Variants in GAP43 observed in about 807,000 individuals in gnomAD.
The protein encoded by GAP43 is growth associated protein 43.
A neutral mutation model predicts 18.6 loss-of-function variants in GAP43; 6 were observed. The observed-to-expected ratio is 0.32, with a 90% confidence interval of 0.18 to 0.64. The LOEUF (loss-of-function observed/expected upper bound fraction) is 0.64, where lower values mean the gene tolerates loss of function less well. GAP43 is among the 30% of genes least tolerant of loss of function. GAP43 has a pLI of 0.78. For missense variants in GAP43, 292 were observed against 295.5 expected (o/e 0.99, Z 0.09); for synonymous variants, 115 against 111.4 (o/e 1.03, Z -0.20).
intron 2 of GAP43, among the ~76,000 whole-genome samples, chr3:115,696,006 C>CTTGGATG: frequency 6.6e-6 from 1 of 152,072 alleles, no homozygotes; most frequent in Non-Finnish European, 1.5e-5. Context: ...TGTTGAGTTA[C>CTTGGATG]CCCACAGCTA....
intron 1 of GAP43, among the ~76,000 whole-genome samples, chr3:115,629,906 A>G (rs2107464512): frequency 6.6e-6 from 1 of 152,334 alleles, no homozygotes; most frequent in Non-Finnish European, 1.5e-5. Context: ...ACTGATCATC[A>G]GTGATTCTTG....
intron 1 of GAP43, among the ~76,000 whole-genome samples, chr3:115,675,478 G>A (rs980205626): frequency 2.4e-4 from 36 of 152,148 alleles, no homozygotes; most frequent in African/African-American, 8.7e-4. Context: ...AATAATGCCA[G>A]TGGCCAGATG....
chr3:115,666,936 T>C (rs1407095990), intron 1 of GAP43, among the ~76,000 whole-genome samples: 1 of 152,072 alleles, frequency 6.6e-6, no homozygotes, highest in African/African-American at 2.4e-5. Context: ...TAAATATATA[T>C]ACTGTGCACT....
At chr3:115,623,854 A>C in intron 1 of GAP43, 135 bp downstream of exon 1, 1 of 847,196 alleles carries the variant, frequency 1.2e-6, no homozygotes, top group Non-Finnish European at 2.0e-6. Flanking sequence ...ATGGTAACTG[A>C]TGGTTGCATC....
chr3:115,649,324 C>T (rs1708495694), intron 1 of GAP43, among the ~76,000 whole-genome samples: 1 of 152,092 alleles, frequency 6.6e-6, no homozygotes, highest in Admixed American at 6.6e-5. Flanking sequence ...CGAAAGGCCC[C>T]ACCTCTTAAT....
At chr3:115,646,027 G>C (rs1311504648) in intron 1 of GAP43, among the ~76,000 whole-genome samples, 1 of 152,074 alleles carries the variant, frequency 6.6e-6, no homozygotes, top group Admixed American at 6.6e-5. Flanking sequence ...GTTGGACTAA[G>C]TTTTAAAATT....
intron 1 of GAP43, among the ~76,000 whole-genome samples, chr3:115,657,655 C>T (rs1708600591): frequency 6.6e-6 from 1 of 152,008 alleles, no homozygotes; most frequent in Non-Finnish European, 1.5e-5. Context: ...TGAGATTTGG[C>T]CTTGCTCCTT....
intron 1 of GAP43, among the ~76,000 whole-genome samples, chr3:115,624,015 AGGGTGTGGACGTAGAAAG>A (rs1708151038): frequency 6.6e-6 from 1 of 151,438 alleles, no homozygotes; most frequent in East Asian, 2.0e-4. Context: ...TCTGGTCTTG[AGGGTGTGGACGTAGAAAG>A]GGGTGTGGGG....
chr3:115,681,520 G>A (rs1487368711), intron 2 of GAP43, among the ~76,000 whole-genome samples: 5 of 152,144 alleles, frequency 3.3e-5, no homozygotes, highest in Non-Finnish European at 2.9e-5. Context: ...GCAGGGAAAA[G>A]ATCTTTGAAC....
intron 1 of GAP43, among the ~76,000 whole-genome samples, chr3:115,630,646 G>A (rs956983453): frequency 1.3e-5 from 2 of 152,152 alleles, no homozygotes; most frequent in Non-Finnish European, 2.9e-5. Context: ...GTAAGGTTCA[G>A]TAGTATTTGT....
At chr3:115,720,643 C>T (rs1709565151) in intron 2 of GAP43, 151 bp from the exon 3 acceptor site, 1 of 531,668 alleles carries the variant, frequency 1.9e-6, no homozygotes, top group African/African-American at 1.9e-5. Context: ...TTGTAACCTA[C>T]ATTAACTGGG....
chr3:115,651,504 C>T (rs1261958808), intron 1 of GAP43, among the ~76,000 whole-genome samples: 1 of 152,120 alleles, frequency 6.6e-6, no homozygotes, highest in Non-Finnish European at 1.5e-5. Flanking sequence ...TGATGCCTAA[C>T]CTCGGCATCA....
chr3:115,638,457 C>T (rs1242059639), intron 1 of GAP43, among the ~76,000 whole-genome samples: 1 of 151,784 alleles, frequency 6.6e-6, no homozygotes, highest in African/African-American at 2.4e-5. Context: ...TGGCTCTTTA[C>T]TTGAGAAGCC....
intron 2 of GAP43, among the ~76,000 whole-genome samples, chr3:115,711,132 G>A (rs1235932376): frequency 2.6e-5 from 4 of 152,078 alleles, no homozygotes; most frequent in Non-Finnish European, 5.9e-5. Flanking sequence ...AAAAAATTGG[G>A]TGTTAAAGTA....
At chr3:115,677,718 T>G (rs1279162018) in intron 2 of GAP43, among the ~76,000 whole-genome samples, 1 of 152,226 alleles carries the variant, frequency 6.6e-6, no homozygotes, top group Non-Finnish European at 1.5e-5. Flanking sequence ...ATGTTTGTCA[T>G]CCAAGGGTCC....
chr3:115,674,062 T>A (rs1181065093), intron 1 of GAP43, among the ~76,000 whole-genome samples: 1 of 152,174 alleles, frequency 6.6e-6, no homozygotes, highest in Non-Finnish European at 1.5e-5. Context: ...AGGAGCTGGG[T>A]CACTGGGGCA....
intron 2 of GAP43, among the ~76,000 whole-genome samples, chr3:115,687,541 T>C (rs1292252466): frequency 6.6e-6 from 1 of 152,200 alleles, no homozygotes; most frequent in African/African-American, 2.4e-5. Flanking sequence ...AGAAAATTTA[T>C]TTTCTAGAAT....
At chr3:115,674,462 A>T (rs921503063) in intron 1 of GAP43, among the ~76,000 whole-genome samples, 1 of 152,204 alleles carries the variant, frequency 6.6e-6, no homozygotes, top group African/African-American at 2.4e-5. Context: ...GAAAATAGTC[A>T]TTTGCAGCAT....
chr3:115,697,194 A>G (rs1165063763), intron 2 of GAP43, among the ~76,000 whole-genome samples: 4 of 20,056 alleles, frequency 2.0e-4, no homozygotes. Flanking sequence ...CATTACATTT[A>G]TTTATTTATA....
Sources: gnomAD v4.1 joint callset for allele counts (sites outside exome capture counted in the v4.1 genomes callset) on GRCh38, gnomAD v4.1.1 for gene constraint, MANE v1.5 for transcripts, NCBI Gene and HGNC (gene_info 2026-07-23, HGNC 2026-07-21) for gene names.